The following FGF13 variants were observed in gnomAD, a reference collection of about 807,000 sequenced individuals.
FGF13 encodes the protein fibroblast growth factor homologous factor 2.
Under a neutral mutation model 19.5 loss-of-function variants are expected in FGF13, and 2 were observed. The observed-to-expected ratio is 0.10, with a 90% CI of 0.04 to 0.32. The LOEUF is 0.32. FGF13 is among the 10% of genes least tolerant of loss of function. The pLI, the probability that FGF13 is intolerant of heterozygous loss-of-function variation, is 1.00. For synonymous variants in FGF13, 72 were observed against 76.9 expected, an observed-to-expected ratio of 0.94 and a Z score of 0.33; for missense variants, 113 against 192.7, an observed-to-expected ratio of 0.59 and a Z score of 2.45.
At chrX:139,186,340 A>G (rs1022239210) in intron 1 of FGF13, among the ~76,000 whole-genome samples, 1 of 111,745 alleles carries the variant, frequency 8.9e-6, no homozygotes, top group Admixed American at 9.5e-5. Flanking sequence ...AGTAAATGAG[A>G]TATCATTGTA....
At chrX:139,068,660 C>G in intron 1 of FGF13, among the ~76,000 whole-genome samples, 1 of 108,063 alleles carries the variant, frequency 9.3e-6, no homozygotes, top group Middle Eastern at 4.7e-3. Flanking sequence ...CTTTTATTTC[C>G]TTGAGCAGTG....
At position 138,617,614 on chromosome X, in the gene FGF13, C is replaced by A. The variant is rs2088980004; in HGVS notation, c.*15236G>T. On this transcript the variant is annotated 3_prime_UTR_variant, in exon 5 of 5. Transcript: ENST00000315930. ...TGAACATGAGGTGTGTGTGTCTGTG[C>A]ATGCACACATGTGTGTGAGAGAAAA... 9.1e-6 allele frequency: 1 copy of A among 109,706 alleles called. No individual in the cohort carries two copies. The highest frequency in any genetic ancestry group is 1.9e-5 in the Non-Finnish European group (1 of 52,971). The allele number at this position is 109,706 out of a possible 1,213,427, so 9.0% of individuals were successfully genotyped here. A position where few individuals can be genotyped will look rare whatever the true frequency, so the allele number is the denominator to read the frequency against.
At chrX:138,957,974 G>A (rs1325230904) in intron 1 of FGF13, among the ~76,000 whole-genome samples, 2 of 111,985 alleles carry the variant, frequency 1.8e-5, no homozygotes, top group East Asian at 5.7e-4. Context: ...TCTGCAAACA[G>A]GGACAATTTG....
intron 3 of FGF13, among the ~76,000 whole-genome samples, chrX:138,824,500 T>C (rs2091020783): frequency 9.0e-6 from 1 of 111,669 alleles, no homozygotes. Context: ...TTAAATAACC[T>C]AAAAAATTAG....
chrX:138,745,377 G>GC (rs1269934832), intron 3 of FGF13, among the ~76,000 whole-genome samples: 1 of 111,480 alleles, frequency 9.0e-6, no homozygotes, highest in Non-Finnish European at 1.9e-5. Context: ...CTTGGTTTGT[G>GC]CAGTTCCTCT....
chrX:138,793,396 T>C (rs1349653257), intron 3 of FGF13, among the ~76,000 whole-genome samples: 1 of 111,296 alleles, frequency 9.0e-6, no homozygotes, highest in African/African-American at 3.3e-5. Context: ...GTACTTTAAT[T>C]CTTACAAATC....
chrX:138,677,118 G>C (rs1462503101), intron 3 of FGF13, among the ~76,000 whole-genome samples: 3 of 111,975 alleles, frequency 2.7e-5, no homozygotes, highest in Non-Finnish European at 3.8e-5. Context: ...ATCTATTATA[G>C]TTATGTGCTG....
chrX:139,097,028 G>C (rs1339673725), intron 1 of FGF13, among the ~76,000 whole-genome samples: 1 of 110,512 alleles, frequency 9.0e-6, no homozygotes. Context: ...ACATGAGAAA[G>C]GAAAAATATA....
chrX:139,166,281 G>T (rs1461912496), intron 1 of FGF13, among the ~76,000 whole-genome samples: 4 of 111,416 alleles, frequency 3.6e-5, no homozygotes, highest in African/African-American at 1.3e-4. Context: ...GGATCTGATT[G>T]TTTTATAAGG....
intron 2 of FGF13, among the ~76,000 whole-genome samples, chrX:138,860,521 G>A (rs1022564623): frequency 1.8e-5 from 2 of 111,567 alleles, no homozygotes; most frequent in Middle Eastern, 4.2e-3. Context: ...TTCCCTTCTT[G>A]CACATGACCT....
chrX:138,666,042 T>G (rs1320557863), intron 3 of FGF13, among the ~76,000 whole-genome samples: 1 of 111,413 alleles, frequency 9.0e-6, no homozygotes, highest in Non-Finnish European at 1.9e-5. Flanking sequence ...CTAAGATGTT[T>G]TCATAGGGAG....
At chrX:138,731,062 C>T (rs1433566637) in intron 1 of FGF13, among the ~76,000 whole-genome samples, 1 of 111,157 alleles carries the variant, frequency 9.0e-6, no homozygotes, top group Admixed American at 9.6e-5. Flanking sequence ...AAAGGCACTA[C>T]ATATTTGAAG....
At chrX:138,741,000 G>A (rs1228450456), upstream of FGF13, among the ~76,000 whole-genome samples, 1 of 112,379 alleles carries the variant, frequency 8.9e-6, no homozygotes, top group African/African-American at 3.2e-5. Context: ...GGGAAGCTGA[G>A]CAAGTGCTCA....
chrX:138,952,987 C>A (rs141292880), intron 1 of FGF13, among the ~76,000 whole-genome samples: 3,084 of 111,275 alleles, frequency 0.028, 119 homozygotes, highest in African/African-American at 0.095. Context: ...GTGGGACTGT[C>A]AACTAGTTCA....
At chrX:138,731,278 C>T (rs774977542) in intron 1 of FGF13, among the ~76,000 whole-genome samples, 1 of 110,295 alleles carries the variant, frequency 9.1e-6, no homozygotes, top group Non-Finnish European at 1.9e-5. Flanking sequence ...GTGAAATATT[C>T]ACCAAGTAAA....
chrX:138,650,514 C>T (rs370790017), intron 3 of FGF13, among the ~76,000 whole-genome samples: 3 of 111,939 alleles, frequency 2.7e-5, no homozygotes, highest in African/African-American at 9.7e-5. Context: ...ACAAGTCGTA[C>T]ATGTTATGAC....
chrX:139,118,753 G>C (rs1229290345), intron 1 of FGF13, among the ~76,000 whole-genome samples: 1 of 111,494 alleles, frequency 9.0e-6, no homozygotes, highest in Non-Finnish European at 1.9e-5. Flanking sequence ...GCCTTTGCCA[G>C]TATCTAAACC....
intron 1 of FGF13, among the ~76,000 whole-genome samples, chrX:139,071,147 C>T (rs1051122317): frequency 1.3e-4 from 15 of 111,271 alleles, no homozygotes; most frequent in Non-Finnish European, 2.5e-4. Context: ...AAAAGAAAAT[C>T]CAACACTGAG....
At chrX:139,047,105 G>A (rs2092289904) in intron 1 of FGF13, among the ~76,000 whole-genome samples, 1 of 112,351 alleles carries the variant, frequency 8.9e-6, no homozygotes, top group African/African-American at 3.2e-5. Context: ...TGTGTTAGCA[G>A]TCAAGCCAGA....
Sources: allele counts gnomAD v4.1 joint callset (sites outside exome capture counted in the v4.1 genomes callset), GRCh38; gene constraint gnomAD v4.1.1; transcripts MANE v1.5; gene names NCBI Gene and HGNC (gene_info 2026-07-23, HGNC 2026-07-21).